The following CEP112 variants were observed in gnomAD, a reference collection of about 807,000 sequenced individuals.
The protein encoded by CEP112 is centrosomal protein 112.
Under a neutral mutation model 153.0 loss-of-function variants are expected in CEP112, and 127 were observed. That is an observed-to-expected ratio of 0.83 (90% CI 0.72 to 0.96). The LOEUF (loss-of-function observed/expected upper bound fraction) is 0.96, where lower values mean the gene tolerates loss of function less well. Among genes scored for constraint, CEP112 ranks in the 40% least tolerant of loss-of-function variants. The probability of loss-of-function intolerance (pLI) is 0.00; values close to 1 mark genes in which losing one functional copy is unlikely to be tolerated. For missense variants in CEP112, 1,089 were observed against 1,101.2 expected (o/e 0.99, Z 0.16); for synonymous variants, 358 against 374.4 (o/e 0.96, Z 0.51).
In CEP112 at chr17:65,889,346, T is replaced by C. The variant is rs143574808; in HGVS notation, c.2163+12806A>G. Among the ~76,000 whole-genome samples, 381 of 152,324 alleles carry C rather than the reference T, an allele frequency of 2.5e-3. 1 individual carries two copies. Among genetic ancestry groups the C allele is most frequent in the African/African-American group, 8.7e-3 (360 of 41,572 alleles). On this transcript the variant is annotated intron_variant, in intron 20 of 26. Transcript: ENST00000535342. The stretch of plus-strand genomic sequence containing the variant: ...TTCATTTGGTGTAGTAGTCCATTTA[T>C]GTATAACCACAATTCACAACTCGAG...
At chr17:65,750,852 A>G in intron 21 of CEP112, 128 bp from the exon 22 acceptor site, 1 of 747,574 alleles carries the variant, frequency 1.3e-6, no homozygotes, top group Non-Finnish European at 2.3e-6. Flanking sequence ...CCAGAAAACC[A>G]CAGGGCTTGT....
intron 6 of CEP112, among the ~76,000 whole-genome samples, chr17:66,117,104 C>G (rs139392793): frequency 4.2e-4 from 64 of 151,996 alleles, no homozygotes; most frequent in African/African-American, 1.5e-3. Flanking sequence ...CCATGTTGGC[C>G]AGGATGGTCT....
chr17:65,964,400 G>A lies in CEP112; in HGVS notation c.1737-2802C>T, dbSNP rs1028557641. 4.6e-5 allele frequency among the ~76,000 whole-genome samples: 7 copies of A among 152,268 alleles called. No homozygotes were observed. The East Asian group carries it at 9.6e-4, about 21-fold the overall frequency. ...ATAAAGAATTTTAAATTGTTCTGGTGCATTTTCACTCTTTCTATATTATTC... is the reference window on the plus strand; with the variant it reads ...ATAAAGAATTTTAAATTGTTCTGGTACATTTTCACTCTTTCTATATTATTC... On this transcript the variant is annotated intron_variant, in intron 17 of 26. Transcript: ENST00000535342.
At chr17:66,177,152 G>GTA (rs976111710) in intron 2 of CEP112, 132 bp from the exon 3 acceptor site, 3 of 671,696 alleles carry the variant, frequency 4.5e-6, no homozygotes, top group Non-Finnish European at 7.2e-6. Flanking sequence ...AGGCCAGAGA[G>GTA]TATATACTTT....
chr17:66,108,652 T>C (rs1431896054), intron 6 of CEP112, among the ~76,000 whole-genome samples: 1 of 152,160 alleles, frequency 6.6e-6, no homozygotes, highest in African/African-American at 2.4e-5. Flanking sequence ...GAAACCTTTG[T>C]ACAGTGTTAA....
At chr17:66,141,992 T>C (rs2070721324) in intron 4 of CEP112, among the ~76,000 whole-genome samples, 1 of 152,194 alleles carries the variant, frequency 6.6e-6, no homozygotes, top group Admixed American at 6.5e-5. Context: ...TTTATGTTCC[T>C]ACCAACAGTG....
intron 20 of CEP112, among the ~76,000 whole-genome samples, chr17:65,884,712 T>A (rs1265898906): frequency 6.7e-6 from 1 of 149,720 alleles, no homozygotes; most frequent in Non-Finnish European, 1.5e-5. Context: ...GTTTCTTTTT[T>A]TTTTTTCTTT....
At chr17:65,798,522 G>A (rs1166731001) in intron 21 of CEP112, among the ~76,000 whole-genome samples, 1 of 152,068 alleles carries the variant, frequency 6.6e-6, no homozygotes, top group Non-Finnish European at 1.5e-5. Flanking sequence ...TAAAGTTATA[G>A]TAGACCTAGG....
At position 65,884,914 on chromosome 17, in the gene CEP112, C is replaced by A. The variant is rs2059221863; in HGVS notation, c.2163+17238G>T. ...TATTTTTAGTAGAGACAGGGTTTCT[C>A]CATGTTGGTCAGGCTGGTCTTGAAC... On this transcript the variant is annotated intron_variant, in intron 20 of 26. Transcript: ENST00000535342. Among the ~76,000 whole-genome samples the A allele has an allele frequency of 2.0e-5, 3 of 151,992 alleles. No homozygotes were observed. In the South Asian group the frequency reaches 6.2e-4, roughly 32 times the overall value.
intron 17 of CEP112, among the ~76,000 whole-genome samples, chr17:65,973,063 G>A (rs961607125): frequency 6.6e-6 from 1 of 152,186 alleles, no homozygotes; most frequent in Non-Finnish European, 1.5e-5. Flanking sequence ...ACTGCTCCCA[G>A]CCTGAGAAAA....
intron 8 of CEP112, among the ~76,000 whole-genome samples, chr17:66,094,233 T>C (rs1244141796): frequency 6.6e-6 from 1 of 152,044 alleles, no homozygotes; most frequent in African/African-American, 2.4e-5. Flanking sequence ...CTAATTTTCG[T>C]ATTTTTAGTA....
intron 24 of CEP112, among the ~76,000 whole-genome samples, chr17:65,662,522 C>T (rs11079579): frequency 2.0e-4 from 30 of 152,002 alleles, no homozygotes; most frequent in African/African-American, 6.3e-4. Context: ...TTGTTCTTTC[C>T]GTTGAAGGCA....
intron 17 of CEP112, among the ~76,000 whole-genome samples, chr17:65,990,216 A>G (rs1229113973): frequency 6.6e-6 from 1 of 152,214 alleles, no homozygotes; most frequent in Non-Finnish European, 1.5e-5. Flanking sequence ...ATAAAAAGGC[A>G]TAGAGTGTAG....
At chr17:66,154,504 G>A (rs1392328039) in intron 4 of CEP112, among the ~76,000 whole-genome samples, 1 of 152,154 alleles carries the variant, frequency 6.6e-6, no homozygotes, top group Non-Finnish European at 1.5e-5. Context: ...GACAGAGCGA[G>A]ACTCTGTGTA....
intron 24 of CEP112, chr17:65,644,214 T>C (rs749296591): frequency 1.5e-6 from 1 of 677,254 alleles, no homozygotes; most frequent in Non-Finnish European, 2.7e-6. Context: ...AAAGTGGCCA[T>C]AGCTGGGGGA....
intron 9 of CEP112, among the ~76,000 whole-genome samples, chr17:66,068,478 CA>C (rs1568455362): frequency 6.6e-6 from 1 of 151,578 alleles, no homozygotes; most frequent in Non-Finnish European, 1.5e-5. Flanking sequence ...CATAAAGAAG[CA>C]AAAAAGAAAA....
At chr17:66,048,075 T>C (rs1049344174) in intron 12 of CEP112, among the ~76,000 whole-genome samples, 2 of 151,590 alleles carry the variant, frequency 1.3e-5, no homozygotes, top group African/African-American at 4.8e-5. Flanking sequence ...TTTATTTGTA[T>C]TATTTCTATT....
chr17:66,158,695 T>C (rs2071558327), intron 4 of CEP112, among the ~76,000 whole-genome samples: 1 of 152,146 alleles, frequency 6.6e-6, no homozygotes, highest in African/African-American at 2.4e-5. Flanking sequence ...GGGACACAGC[T>C]AAAGCAGCGT....
At position 66,085,099 on chromosome 17, in the gene CEP112, G is replaced by A. The variant is rs965935742; in HGVS notation, c.768+11152C>T. ...TGATACTTTAACATGCAAATTGCTC[G>A]AGTGTTAATAACAAAATGGAAAAAG... On this transcript the variant is annotated intron_variant, in intron 8 of 26. Transcript: ENST00000535342. Among the ~76,000 whole-genome samples the A allele has an allele frequency of 2.0e-5, 3 of 152,182 alleles. No homozygotes were observed. The East Asian group carries it at 5.8e-4, about 29-fold the overall frequency.
Sources: allele counts gnomAD v4.1 joint callset (sites outside exome capture counted in the v4.1 genomes callset), GRCh38; gene constraint gnomAD v4.1.1; transcripts MANE v1.5; gene names NCBI Gene and HGNC (gene_info 2026-07-23, HGNC 2026-07-21).